Variants in HCK observed in about 807,000 individuals in gnomAD.
HCK encodes tyrosine-protein kinase HCK.
In HCK, 40 loss-of-function variants were observed where a neutral mutation model predicts 70.4. The ratio of observed to expected loss-of-function variants is 0.57; its 90% CI spans 0.44 to 0.74. HCK has a LOEUF of 0.74. Ranked by LOEUF, HCK falls within the 30% of genes least tolerant of loss-of-function variation. The pLI is 0.00. For synonymous variants in HCK, 245 were observed against 263.2 expected, an observed-to-expected ratio of 0.93 and a Z score of 0.67; for missense variants, 568 against 697.2, an observed-to-expected ratio of 0.81 and a Z score of 2.09.
intron 11 of HCK, among the ~76,000 whole-genome samples, chr20:32,094,763 AGG>A (rs1336432622): frequency 5.2e-5 from 6 of 114,288 alleles, no homozygotes; most frequent in African/African-American, 1.3e-4. Context: ...GAAAGAAAGA[AGG>A]AAAGAAAGAA....
chr20:32,097,814 T>C (rs192673819), intron 11 of HCK, among the ~76,000 whole-genome samples: 30 of 151,924 alleles, frequency 2.0e-4, no homozygotes, highest in African/African-American at 7.0e-4. Context: ...CTCAACAAAT[T>C]CCAAAGAACA....
chr20:32,096,883 C>T (rs2045963709), intron 11 of HCK, among the ~76,000 whole-genome samples: 1 of 151,848 alleles, frequency 6.6e-6, no homozygotes, highest in Non-Finnish European at 1.5e-5. Flanking sequence ...TTCTACAGCC[C>T]AATCTGATGG....
chr20:32,071,767 A>G lies in HCK; in HGVS notation c.168A>G (p.Thr56=). The stretch of plus-strand genomic sequence containing the variant: ...GTCCTGTGTACGTGCCGGATCCCAC[A>G]TCCACCATCAAGCCGGTGAGTAGGG... Residue 56 remains threonine, a synonymous_variant, in exon 2 of 13, where the codon ACA becomes ACG. Coordinates refer to ENST00000375852, the MANE Select transcript of HCK (RefSeq NM_002110.5). The G allele has an allele frequency of 6.2e-7, 1 of 1,613,774 alleles. No homozygotes were observed. Among genetic ancestry groups the G allele is most frequent in the South Asian group, 1.1e-5 (1 of 91,048 alleles).
chr20:32,094,740 AGAAAGAAAGAAAGAAAGAAAGAAG>A (rs2045915806), intron 11 of HCK, among the ~76,000 whole-genome samples: 4 of 134,470 alleles, frequency 3.0e-5, no homozygotes, highest in Non-Finnish European at 6.5e-5. Flanking sequence ...AAAGAAAGAA[AGAAAGAAAGAAAGAAAGAAAGAAG>A]GAAAGAAAGA....
intron 10 of HCK, among the ~76,000 whole-genome samples, chr20:32,091,183 T>G (rs2045858957): frequency 6.6e-6 from 1 of 152,198 alleles, no homozygotes; most frequent in Admixed American, 6.5e-5. Flanking sequence ...CCCATCGAGC[T>G]CCTGTGAAAA....
chr20:32,057,001 C>A (rs1183569435), intron 1 of HCK, among the ~76,000 whole-genome samples: 1 of 152,194 alleles, frequency 6.6e-6, no homozygotes, highest in Non-Finnish European at 1.5e-5. Context: ...CCCCTCCACC[C>A]GCAGCGATTA....
At position 32,094,643 on chromosome 20, in the gene HCK, A is replaced by G. The variant is rs554140646; in HGVS notation, c.1246+627A>G. The stretch of plus-strand genomic sequence containing the variant: ...GCTGAAGCTGCAGTAAGCCATGATC[A>G]TGCCACTGCACCCAGCCTGGTGGAC... On this transcript the variant is annotated intron_variant, in intron 11 of 12. Coordinates refer to ENST00000375852, the MANE Select transcript of HCK (RefSeq NM_002110.5). 9.3e-5 allele frequency among the ~76,000 whole-genome samples: 14 copies of G among 151,206 alleles called. No homozygotes were observed. In the South Asian group the frequency reaches 2.9e-3, roughly 32 times the overall value.
Position 32,101,263 on chromosome 20 carries a change from C to T in HCK, c.1379-54C>T, listed in dbSNP as rs2046028905. Reference sequence around the variant, plus strand: ...GGGGAGGCCACAGGGCCTGCCACCCCTGGGCTCTCATTTCCCAACTGCTTC... The same window carrying T: ...GGGGAGGCCACAGGGCCTGCCACCCTTGGGCTCTCATTTCCCAACTGCTTC... On this transcript the variant is annotated intron_variant, in intron 12 of 12. Transcript: ENST00000375852. The T allele has an allele frequency of 1.9e-6, 3 of 1,553,456 alleles. No individual in the cohort carries two copies. The African/African-American group carries it at 4.1e-5, about 21-fold the overall frequency.
chr20:32,084,524 G>A lies in HCK; in HGVS notation c.816G>A (p.Gln272=), dbSNP rs1478196174. 6.8e-6 allele frequency: 11 copies of A among 1,613,966 alleles called. No individual in the cohort carries two copies. The highest frequency in any genetic ancestry group is 8.5e-6 in the Non-Finnish European group (10 of 1,179,916). ...TGGAGAAGAAACTTGGAGCTGGGCA[G>A]TTTGGGGAAGTCTGGATGGGTAAGG... Residue 272 remains glutamine (Q), a synonymous_variant, in exon 8 of 13, where the codon CAG becomes CAA. Transcript: ENST00000375852.
intron 1 of HCK, among the ~76,000 whole-genome samples, chr20:32,071,032 A>C (rs924918241): frequency 6.6e-6 from 1 of 152,104 alleles, no homozygotes. Flanking sequence ...AATTGATACC[A>C]GTAATACGGT....
chr20:32,062,838 C>T (rs560771692), intron 1 of HCK, among the ~76,000 whole-genome samples: 4 of 152,160 alleles, frequency 2.6e-5, no homozygotes, highest in Non-Finnish European at 4.4e-5. Context: ...GGCTCTGCAC[C>T]CCCAAGGCAC....
At chr20:32,086,836 G>T (rs1451724267) in intron 9 of HCK, 29 bp downstream of exon 9, 4 of 1,558,108 alleles carry the variant, frequency 2.6e-6, no homozygotes, top group Non-Finnish European at 2.6e-6. Flanking sequence ...GGGGGTGCAG[G>T]CTGTGGCCTA....
intron 5 of HCK, among the ~76,000 whole-genome samples, chr20:32,076,548 C>T (rs906411527): frequency 5.3e-5 from 8 of 152,120 alleles, no homozygotes; most frequent in African/African-American, 1.7e-4. Flanking sequence ...AACATAATTG[C>T]TAAGTGGAAA....
At chr20:32,099,203 C>T (rs2045998419) in intron 12 of HCK, 68 bp downstream of exon 12, 3 of 1,514,688 alleles carry the variant, frequency 2.0e-6, no homozygotes, top group Non-Finnish European at 2.7e-6. Context: ...ATCTCAACAA[C>T]ATGTCCATTC....
rs907483177 is a variant in HCK, at chr20:32,094,771, A to G, written c.1246+755A>G. ...AAAGAAAGAAAGAAAGAAGGAAAGA[A>G]AGAAAGAGAGAGAAAGAGAAAGAAA... On this transcript the variant is annotated intron_variant, in intron 11 of 12. Transcript: ENST00000375852. Among the ~76,000 whole-genome samples, 253 of 123,496 alleles carry G rather than the reference A, an allele frequency of 2.0e-3. 4 individuals carry two copies. The highest frequency in any genetic ancestry group is 6.8e-3 in the African/African-American group (213 of 31,128). The allele number at this position is 123,496 out of a possible 152,430, so 81.0% of individuals were successfully genotyped here. A position where few individuals can be genotyped will look rare whatever the true frequency, so the allele number is the denominator to read the frequency against.
intron 5 of HCK, among the ~76,000 whole-genome samples, chr20:32,075,508 C>T (rs537677526): frequency 6.6e-6 from 1 of 152,224 alleles, no homozygotes; most frequent in South Asian, 2.1e-4. Flanking sequence ...TGGCCCATCC[C>T]TCATTTGATT....
At chr20:32,059,056 C>G (rs563385310) in intron 1 of HCK, among the ~76,000 whole-genome samples, 1 of 152,296 alleles carries the variant, frequency 6.6e-6, no homozygotes, top group South Asian at 2.1e-4. Context: ...ATGAAGGTGC[C>G]GGCAGCTGGA....
intron 9 of HCK, 56 bp downstream of exon 9, chr20:32,086,863 G>A (rs1444703982): frequency 4.1e-6 from 6 of 1,462,832 alleles, no homozygotes; most frequent in Non-Finnish European, 5.5e-6. Flanking sequence ...TCAATTGCGG[G>A]CCCAAGGGTG....
intron 7 of HCK, 29 bp from the exon 8 acceptor site, chr20:32,084,362 C>G: frequency 6.3e-7 from 1 of 1,594,846 alleles, no homozygotes; most frequent in Non-Finnish European, 8.6e-7. Context: ...GTGCTTGTTG[C>G]TCTCAATTGA....
Sources: allele counts gnomAD v4.1 joint callset (sites outside exome capture counted in the v4.1 genomes callset), GRCh38; gene constraint gnomAD v4.1.1; transcripts MANE v1.5; gene names NCBI Gene and HGNC (gene_info 2026-07-23, HGNC 2026-07-21).